EYS: variants seen among roughly 807,000 people sequenced by gnomAD.
EYS encodes the protein EGF-like photoreceptor maintenance factor, also known as protein eyes shut homolog.
EYS carries 250 observed loss-of-function variants against 282.1 expected under a neutral mutation model. The ratio of observed to expected loss-of-function variants is 0.89; its 90% CI spans 0.80 to 0.98. EYS has a LOEUF of 0.98. Among genes scored for constraint, EYS ranks in the 50% least tolerant of loss-of-function variants. The pLI, the probability that EYS is intolerant of heterozygous loss-of-function variation, is 0.00. For missense variants in EYS, 4,016 were observed against 3,709.0 expected, an observed-to-expected ratio of 1.08 and a Z score of -2.15; for synonymous variants, 1,355 against 1,282.9, an observed-to-expected ratio of 1.06 and a Z score of -1.20.
intron 13 of EYS, among the ~76,000 whole-genome samples, chr6:65,025,146 T>C (rs1772367321): frequency 6.6e-6 from 1 of 152,196 alleles, no homozygotes. Context: ...TTTGTACCTA[T>C]CATAAAATTA....
At chr6:63,995,749 G>T (rs1767805860) in intron 34 of EYS, among the ~76,000 whole-genome samples, 1 of 151,892 alleles carries the variant, frequency 6.6e-6, no homozygotes, top group Non-Finnish European at 1.5e-5. Flanking sequence ...TAAAAATGTT[G>T]AACTCATAGA....
chr6:64,456,070 G>A (rs2150481332), intron 26 of EYS, among the ~76,000 whole-genome samples: 1 of 151,986 alleles, frequency 6.6e-6, no homozygotes, highest in East Asian at 1.9e-4. Flanking sequence ...AATTTTCATT[G>A]TTCATGATAC....
chr6:65,361,854 G>A (rs186124361), intron 8 of EYS, among the ~76,000 whole-genome samples: 4 of 152,098 alleles, frequency 2.6e-5, no homozygotes, highest in Admixed American at 1.3e-4. Flanking sequence ...ATAACACAAA[G>A]CAAAACAACT....
At chr6:63,969,330 A>C (rs762904410) in intron 35 of EYS, among the ~76,000 whole-genome samples, 2 of 152,196 alleles carry the variant, frequency 1.3e-5, no homozygotes, top group African/African-American at 2.4e-5. Flanking sequence ...TAACACCAGT[A>C]AAAATCTTAG....
In EYS at chr6:65,369,298, TTATGTATAA is replaced by T. The variant is rs199868171; in HGVS notation, c.1299+15079_1299+15087del. ...ATATTTATATATATTATATATATAT[TTATGTATAA>T]TATATATATTATATATATATATTTA... On this transcript the variant is annotated intron_variant, in intron 8 of 42. Transcript: ENST00000503581. 6.2e-3 allele frequency among the ~76,000 whole-genome samples: 441 copies of T among 70,802 alleles called. 5 individuals carry two copies. Among genetic ancestry groups the T allele is most frequent in the African/African-American group, 0.013 (390 of 30,306 alleles). 46.4% of individuals were successfully genotyped at this position (70,802 alleles called of 152,430 possible). A position where few individuals can be genotyped will look rare whatever the true frequency, so the allele number is the denominator to read the frequency against.
At chr6:65,684,313 T>C (rs1475333105) in intron 1 of EYS, among the ~76,000 whole-genome samples, 1 of 151,978 alleles carries the variant, frequency 6.6e-6, no homozygotes, top group Non-Finnish European at 1.5e-5. Context: ...TAATAACATT[T>C]TAATGGATTA....
chr6:64,752,257 G>C (rs1772783021), intron 22 of EYS, among the ~76,000 whole-genome samples: 1 of 151,924 alleles, frequency 6.6e-6, no homozygotes, highest in African/African-American at 2.4e-5. Flanking sequence ...AAATCAGAAA[G>C]AGAATGACTC....
chr6:65,099,336 T>A (rs192877413), intron 12 of EYS, among the ~76,000 whole-genome samples: 255 of 150,834 alleles, frequency 1.7e-3, no homozygotes, highest in African/African-American at 5.5e-3. Context: ...CATTTATGAA[T>A]AAAATAAAAA....
At chr6:65,291,651 C>T (rs1353258494) in intron 12 of EYS, among the ~76,000 whole-genome samples, 2 of 151,506 alleles carry the variant, frequency 1.3e-5, no homozygotes, top group East Asian at 1.9e-4. Flanking sequence ...AAGGAAAATG[C>T]TCCAGGAGGT....
chr6:64,219,731 T>C (rs1015736086), intron 31 of EYS, among the ~76,000 whole-genome samples: 2 of 152,178 alleles, frequency 1.3e-5, no homozygotes, highest in Non-Finnish European at 2.9e-5. Context: ...CCATTGCGCA[T>C]GTATGTTTAC....
intron 31 of EYS, among the ~76,000 whole-genome samples, chr6:64,123,303 A>G (rs538478196): frequency 3.3e-4 from 50 of 152,312 alleles, no homozygotes; most frequent in Admixed American, 2.6e-3. Flanking sequence ...TATTATATTA[A>G]AAATACTATG....
intron 30 of EYS, among the ~76,000 whole-genome samples, chr6:64,274,793 A>G (rs988078134): frequency 2.6e-5 from 4 of 152,004 alleles, no homozygotes; most frequent in African/African-American, 9.7e-5. Flanking sequence ...CAGCCTGATC[A>G]TGTTCATTGT....
chr6:64,013,034 C>G (rs772979086), intron 33 of EYS, among the ~76,000 whole-genome samples: 5 of 152,122 alleles, frequency 3.3e-5, no homozygotes, highest in Non-Finnish European at 5.9e-5. Context: ...TTAGACTTCT[C>G]TCTGACAAAA....
chr6:64,958,633 G>A (rs1027999844), intron 14 of EYS, among the ~76,000 whole-genome samples: 4 of 148,334 alleles, frequency 2.7e-5, no homozygotes, highest in Non-Finnish European at 4.5e-5. Context: ...TACTCGGGAG[G>A]CTGAGGCAGG....
chr6:64,950,473 A>T (rs116454166), intron 14 of EYS, among the ~76,000 whole-genome samples: 2 of 151,744 alleles, frequency 1.3e-5, no homozygotes, highest in African/African-American at 2.4e-5. Flanking sequence ...TCAAAAAAAC[A>T]TAAATTTAGA....
At position 63,745,753 on chromosome 6, in the gene EYS, T is replaced by G. The variant is rs985175888; in HGVS notation, c.8071+16708A>C. Reference sequence around the variant, plus strand: ...AAAATGTATATTATGGACTAAATATTTCTGTCTTCCCAAATACATATGTTG... The same window carrying G: ...AAAATGTATATTATGGACTAAATATGTCTGTCTTCCCAAATACATATGTTG... On this transcript the variant is annotated intron_variant, in intron 41 of 42. Coordinates refer to ENST00000503581, the MANE Select transcript of EYS (RefSeq NM_001142800.2). 5.9e-5 allele frequency among the ~76,000 whole-genome samples: 9 copies of G among 152,336 alleles called. No homozygotes were observed. In the East Asian group the frequency reaches 1.7e-3, roughly 29 times the overall value.
chr6:65,318,689 T>G (rs910777373), intron 11 of EYS, among the ~76,000 whole-genome samples: 3 of 150,424 alleles, frequency 2.0e-5, no homozygotes, highest in African/African-American at 4.9e-5. Flanking sequence ...TCACCCAGGC[T>G]GGAGTGCAGG....
intron 12 of EYS, among the ~76,000 whole-genome samples, chr6:65,095,879 A>T (rs1774724129): frequency 6.6e-6 from 1 of 150,674 alleles, no homozygotes. Context: ...TTCCTCTATG[A>T]TCAGAAACAG....
intron 1 of EYS, among the ~76,000 whole-genome samples, chr6:65,659,695 T>G (rs1239284167): frequency 1.4e-5 from 2 of 147,842 alleles, no homozygotes; most frequent in Non-Finnish European, 3.0e-5. Context: ...TTAGCTGCTA[T>G]GCTTTCTATT....
Sources: gnomAD v4.1 joint callset for allele counts (sites outside exome capture counted in the v4.1 genomes callset) on GRCh38, gnomAD v4.1.1 for gene constraint, MANE v1.5 for transcripts, NCBI Gene and HGNC (gene_info 2026-07-23, HGNC 2026-07-21) for gene names.